The following ZNF326 variants were observed in gnomAD, a reference collection of about 807,000 sequenced individuals.
The protein encoded by ZNF326 is DBIRD complex subunit ZNF326.
Under a neutral mutation model 63.1 loss-of-function variants are expected in ZNF326, and 30 were observed. That is an observed-to-expected ratio of 0.48 (90% CI 0.36 to 0.64). The LOEUF (loss-of-function observed/expected upper bound fraction) is 0.64, where lower values mean the gene tolerates loss of function less well. Ranked by LOEUF, ZNF326 falls within the 30% of genes least tolerant of loss-of-function variation. The probability of loss-of-function intolerance (pLI) is 0.00; values close to 1 mark genes in which losing one functional copy is unlikely to be tolerated. For missense variants in ZNF326, 609 were observed against 720.3 expected (o/e 0.85, Z 1.77); for synonymous variants, 194 against 228.2 (o/e 0.85, Z 1.35).
chr1:90,010,271 C>T lies in ZNF326; in HGVS notation c.799C>T (p.Leu267Phe). 6.2e-7 allele frequency: 1 copy of T among 1,613,388 alleles called. No individual in the cohort carries two copies. The highest frequency in any genetic ancestry group is 2.2e-5 in the East Asian group (1 of 44,816). ...AGCAAAACCTATGGAGAAGATAAGC[C>T]TCAGCAAATCACCCAGTAAGTAAGA... ...KLAKPMEKIS[L>F]SKSPTKTDPK... The change falls in exon 6 of 12, where the codon CTC becomes TTC. Residue 267 changes from leucine to phenylalanine, a missense_variant. Physicochemically the swap from Leu to Phe is conservative, Grantham distance 22. Coordinates refer to ENST00000340281, the MANE Select transcript of ZNF326 (RefSeq NM_182976.4).
In ZNF326 at chr1:90,033,067, T is replaced by G. The variant is rs913813051; in HGVS notation, c.*5366T>G. On this transcript the variant is annotated 3_prime_UTR_variant, in exon 12 of 12. Transcript: ENST00000340281. ...GCTAGGTTTCCTGTAATCGCAATCT[T>G]CAGGGAATTTTTCACTCAAGCCCAG... 4 of 152,156 alleles carry G rather than the reference T, an allele frequency of 2.6e-5. No homozygotes were observed. Among genetic ancestry groups the G allele is most frequent in the African/African-American group, 9.7e-5 (4 of 41,422 alleles). 9.4% of individuals were successfully genotyped at this position (152,156 alleles called of 1,614,324 possible).
rs1485318659 is a variant in ZNF326 at position 90,005,046 on chromosome 1, A to G, written c.97+8A>G. On this transcript the variant is annotated splice_region_variant and intron_variant, in intron 3 of 11. Transcript: ENST00000340281. ...GCCCTGGATCTTATGGAGGTCTGAC[A>G]TTCAAGGATATTTATCTAAAAATTC... 12 of 1,614,074 alleles carry G rather than the reference A, an allele frequency of 7.4e-6. No homozygotes were observed. The highest frequency in any genetic ancestry group is 1.0e-5 in the Non-Finnish European group (12 of 1,179,982).
chr1:90,020,799 T>G lies in ZNF326; in HGVS notation c.1182T>G (p.Thr394=). ...ATTGGATGTCTTTTGTAGGTGTTACTGTAGATGATCACATGATGAAGGTAG... is the reference window on the plus strand; with the variant it reads ...ATTGGATGTCTTTTGTAGGTGTTACGGTAGATGATCACATGATGAAGGTAG... ...IIEKDVMEGV[T]VDDHMMKVET... The change falls in exon 10 of 12, where the codon ACT becomes ACG. Residue 394 remains threonine, a synonymous_variant. Transcript: ENST00000340281. The G allele has an allele frequency of 6.2e-7, 1 of 1,609,840 alleles. No individual in the cohort carries two copies. The highest frequency in any genetic ancestry group is 1.3e-5 in the African/African-American group (1 of 74,920).
chr1:90,018,766 G>T lies in ZNF326; in HGVS notation c.1156G>T (p.Glu386Ter). 1 of 1,543,262 alleles carries T rather than the reference G, an allele frequency of 6.5e-7. No homozygotes were observed. The highest frequency in any genetic ancestry group is 1.2e-5 in the South Asian group (1 of 83,406). The change falls in exon 9 of 12, where the codon GAA becomes TAA. Residue 386 changes from glutamate to a stop codon, truncating the protein, a stop_gained. Transcript: ENST00000340281. LOFTEE classifies it high-confidence loss of function. ...NNQTEVVKIIEKDVMEGVTVD... is the reference protein window; with the variant it reads ...NNQTEVVKII ...TCAAACAGAAGTAGTTAAAATAATT[G>T]AAAAAGATGTTATGGAAGGTAAGTA...
In ZNF326 at chr1:90,027,442, T is replaced by C. The variant is rs1650064759; in HGVS notation, c.1490T>C (p.Ile497Thr). The C allele has an allele frequency of 6.2e-7, 1 of 1,613,036 alleles. No individual in the cohort carries two copies. The highest frequency in any genetic ancestry group is 8.5e-7 in the Non-Finnish European group (1 of 1,179,570). Residue 497 changes from isoleucine to threonine, a missense_variant, in exon 12 of 12, where the codon ATT becomes ACT. Coordinates refer to ENST00000340281, the MANE Select transcript of ZNF326 (RefSeq NM_182976.4). ...EEDEEKIDEP[I>T]EEEEDEDEEE... Reference sequence around the variant, plus strand: ...GATGAAGAGAAGATTGATGAACCTATTGAAGAAGAGGAGGATGAAGATGAG... The same window carrying C: ...GATGAAGAGAAGATTGATGAACCTACTGAAGAAGAGGAGGATGAAGATGAG...
At position 90,013,253 on chromosome 1, in the gene ZNF326, C is replaced by T. The variant is rs199846168; in HGVS notation, c.926+16C>T. 6.6e-6 allele frequency: 10 copies of T among 1,506,680 alleles called. No homozygotes were observed. The East Asian group carries it at 2.1e-4, about 32-fold the overall frequency. The allele number at this position is 1,506,680 out of a possible 1,614,324, so 93.3% of individuals were successfully genotyped here. On this transcript the variant is annotated intron_variant, in intron 7 of 11. Coordinates refer to ENST00000340281, the MANE Select transcript of ZNF326 (RefSeq NM_182976.4). ...ATGGATACAGGTTTGTACTTAGAGT[C>T]AGAAAATTAGGTTCATTAAAAAATG...
At chr1:89,996,737 C>G (rs1248048616) in intron 1 of ZNF326, among the ~76,000 whole-genome samples, 1 of 148,202 alleles carries the variant, frequency 6.7e-6, no homozygotes, top group Non-Finnish European at 1.5e-5. Flanking sequence ...CAAACTTCGT[C>G]TGAAAAAAAA....
intron 1 of ZNF326, among the ~76,000 whole-genome samples, chr1:89,995,521 G>C (rs575423343): frequency 6.6e-6 from 1 of 152,264 alleles, no homozygotes; most frequent in Non-Finnish European, 1.5e-5. Flanking sequence ...CGCCTAGAGC[G>C]CGAGAGCCTC....
chr1:90,028,427 A>C lies in ZNF326; in HGVS notation c.*726A>C, dbSNP rs1352965857. The C allele has an allele frequency of 6.6e-6, 1 of 152,230 alleles. No individual in the cohort carries two copies. The highest frequency in any genetic ancestry group is 2.4e-5 in the African/African-American group (1 of 41,476). 9.4% of individuals were successfully genotyped at this position (152,230 alleles called of 1,614,324 possible). On this transcript the variant is annotated 3_prime_UTR_variant, in exon 12 of 12. Coordinates refer to ENST00000340281, the MANE Select transcript of ZNF326 (RefSeq NM_182976.4). ...ATTGTTTTTAAAACACATTTCAAATAGAAGTGAGTTTGAACTGACCTTATT... is the reference window on the plus strand; with the variant it reads ...ATTGTTTTTAAAACACATTTCAAATCGAAGTGAGTTTGAACTGACCTTATT...
At position 90,015,431 on chromosome 1, in the gene ZNF326, G is replaced by A. The variant is rs554328195; in HGVS notation, c.927-1886G>A. On this transcript the variant is annotated intron_variant, in intron 7 of 11. Coordinates refer to ENST00000340281, the MANE Select transcript of ZNF326 (RefSeq NM_182976.4). Reference sequence around the variant, plus strand: ...ATGGTAGCTCATGCCTGTAATTCCAGTACCTTGGGAGGCCAAGGCAGGCGG... The same window carrying A: ...ATGGTAGCTCATGCCTGTAATTCCAATACCTTGGGAGGCCAAGGCAGGCGG... 1.2e-4 allele frequency among the ~76,000 whole-genome samples: 18 copies of A among 152,322 alleles called. No homozygotes were observed. The South Asian group carries it at 2.3e-3, about 19-fold the overall frequency.
chr1:90,007,265 C>T lies in ZNF326; in HGVS notation c.210-80C>T. ...TAAATGAATTTTAGTTGATAAATGTCATCTGATAATTTGTCTTTTGAATTG... is the reference window on the plus strand; with the variant it reads ...TAAATGAATTTTAGTTGATAAATGTTATCTGATAATTTGTCTTTTGAATTG... On this transcript the variant is annotated intron_variant, in intron 4 of 11. Coordinates refer to ENST00000340281, the MANE Select transcript of ZNF326 (RefSeq NM_182976.4). This position sits in a 1 kb window ranked among gnomAD's most constrained non-coding sequence, Gnocchi z 4.9. 1 of 1,372,640 alleles carries T rather than the reference C, an allele frequency of 7.3e-7. No individual in the cohort carries two copies. Among genetic ancestry groups the T allele is most frequent in the Non-Finnish European group, 9.9e-7 (1 of 1,008,082 alleles). 85.0% of individuals were successfully genotyped at this position (1,372,640 alleles called of 1,614,324 possible).
In ZNF326 at chr1:90,034,183, G is replaced by C. The variant is rs774480990; in HGVS notation, c.*6482G>C. ...AACATACTGCTATTTTTGAAGTTCT[G>C]AGGGAGAACTGTTTTGAATTTAGAC... On this transcript the variant is annotated 3_prime_UTR_variant, in exon 12 of 12. Transcript: ENST00000340281. 6 of 152,170 alleles carry C rather than the reference G, an allele frequency of 3.9e-5. No individual in the cohort carries two copies. Among genetic ancestry groups the C allele is most frequent in the Non-Finnish European group, 7.4e-5 (5 of 68,000 alleles). The allele number at this position is 152,170 out of a possible 1,614,324, so 9.4% of individuals were successfully genotyped here. A position where few individuals can be genotyped will look rare whatever the true frequency, so the allele number is the denominator to read the frequency against.
chr1:90,020,906 A>T lies in ZNF326; in HGVS notation c.1289A>T (p.His430Leu). The change falls in exon 10 of 12, where the codon CAT becomes CTT. Residue 430 changes from histidine (H) to leucine (L), a missense_variant. Around this residue, in one of 3 missense-constraint regions of ZNF326, gnomAD observed 399 missense variants for 444.3 expected, o/e 0.90. Transcript: ENST00000340281. Reference protein sequence around the residue: ...SVQQHLKSPDHIKGKQAYKEQ... With the variant: ...SVQQHLKSPDLIKGKQAYKEQ... ...CAGCAGCACTTAAAATCTCCTGATC[A>T]TATCAAAGGGAAGCAGGTAAAATTT... The T allele has an allele frequency of 6.2e-7, 1 of 1,612,158 alleles. No homozygotes were observed. Among genetic ancestry groups the T allele is most frequent in the Non-Finnish European group, 8.5e-7 (1 of 1,179,008 alleles).
At chr1:90,018,136 A>G (rs189751195) in intron 8 of ZNF326, among the ~76,000 whole-genome samples, 2 of 152,082 alleles carry the variant, frequency 1.3e-5, no homozygotes, top group African/African-American at 2.4e-5. Flanking sequence ...TACTAAAAAT[A>G]TAAAAATTAG....
At chr1:90,016,435 T>C (rs981716422) in intron 7 of ZNF326, among the ~76,000 whole-genome samples, 1 of 151,940 alleles carries the variant, frequency 6.6e-6, no homozygotes, top group Non-Finnish European at 1.5e-5. Context: ...AAACAGTTAT[T>C]CTGGTCACGG....
chr1:90,023,461 T>A (rs1441185482), intron 11 of ZNF326, among the ~76,000 whole-genome samples: 4 of 152,226 alleles, frequency 2.6e-5, no homozygotes, highest in Non-Finnish European at 4.4e-5. Flanking sequence ...CTAAATAATA[T>A]TAGTTCTTGC....
intron 11 of ZNF326, among the ~76,000 whole-genome samples, chr1:90,025,009 C>G (rs1369693029): frequency 1.6e-5 from 2 of 124,230 alleles, no homozygotes; most frequent in Non-Finnish European, 3.2e-5. Context: ...TAATCTTCCT[C>G]AAATAGACAT....
chr1:90,001,516 G>A (rs1458447555), intron 2 of ZNF326, among the ~76,000 whole-genome samples: 2 of 151,454 alleles, frequency 1.3e-5, no homozygotes, highest in African/African-American at 4.9e-5. Flanking sequence ...AAGACTTAAT[G>A]TCACATAGTT....
rs1553137328 is a variant in ZNF326, at chr1:90,018,789, G to A, written c.1174+5G>A. ...TTGAAAAAGATGTTATGGAAGGTAA[G>A]TATTTAAAACAAATTATTTTAAAAT... On this transcript the variant is annotated splice_donor_5th_base_variant and intron_variant, in intron 9 of 11. Transcript: ENST00000340281. 1 of 1,476,132 alleles carries A rather than the reference G, an allele frequency of 6.8e-7. No individual in the cohort carries two copies. 91.4% of individuals were successfully genotyped at this position (1,476,132 alleles called of 1,614,324 possible). A position where few individuals can be genotyped will look rare whatever the true frequency, so the allele number is the denominator to read the frequency against.
Sources: allele counts gnomAD v4.1 joint callset (sites outside exome capture counted in the v4.1 genomes callset), GRCh38; gene constraint gnomAD v4.1.1; regional missense constraint gnomAD v4.1.1; non-coding constraint Gnocchi (gnomAD v3.1); transcripts MANE v1.5; gene names NCBI Gene and HGNC (gene_info 2026-07-23, HGNC 2026-07-21).